PRKN: variants seen among roughly 807,000 people sequenced by gnomAD.
PRKN encodes E3 ubiquitin-protein ligase parkin.
PRKN carries 56 observed loss-of-function variants against 59.5 expected under a neutral mutation model. The observed-to-expected ratio is 0.94, with a 90% CI of 0.76 to 1.18. The LOEUF is 1.18. Among genes scored for constraint, PRKN ranks in the 50% most tolerant of loss-of-function variants. The pLI is 0.00. For missense variants in PRKN, 657 were observed against 596.4 expected (o/e 1.10, Z -1.06); for synonymous variants, 250 against 222.1 (o/e 1.13, Z -1.12).
At chr6:162,208,872 C>G (rs1433218728) in intron 3 of PRKN, among the ~76,000 whole-genome samples, 1 of 152,038 alleles carries the variant, frequency 6.6e-6, no homozygotes, top group Non-Finnish European at 1.5e-5. Context: ...GAGGCAGCAC[C>G]TATGGGAAAA....
intron 6 of PRKN, among the ~76,000 whole-genome samples, chr6:161,874,827 A>AAAAT (rs1245753252): frequency 9.1e-6 from 1 of 109,970 alleles, no homozygotes; most frequent in South Asian, 3.0e-4. Flanking sequence ...TATAATATAT[A>AAAAT]AAATGTATAA....
intron 2 of PRKN, among the ~76,000 whole-genome samples, chr6:162,278,620 A>G (rs1780740522): frequency 6.6e-6 from 1 of 152,180 alleles, no homozygotes; most frequent in Non-Finnish European, 1.5e-5. Context: ...GGCTTAAAAA[A>G]GCTATAAAGG....
intron 6 of PRKN, among the ~76,000 whole-genome samples, chr6:161,857,013 T>C (rs936790087): frequency 2.3e-5 from 2 of 86,040 alleles, no homozygotes; most frequent in African/African-American, 8.0e-5. Context: ...GTGGATCACC[T>C]GAGGTCAGGA....
rs77481769 is a variant in PRKN, at chr6:161,854,803, G to A, written c.735-68895C>T. On this transcript the variant is annotated intron_variant, in intron 6 of 11. Coordinates refer to ENST00000366898, the MANE Select transcript of PRKN (RefSeq NM_004562.3). ...TGCTAGATCTAGAAAAGTGGTTCTC[G>A]GCCGGGCGCGGTGGCTCATGCCTGT... 1.2e-3 allele frequency among the ~76,000 whole-genome samples: 179 copies of A among 152,030 alleles called. 2 individuals are homozygous for A. In the East Asian group the frequency reaches 0.026, roughly 22 times the overall value.
At chr6:161,950,937 T>C (rs1779965737) in intron 6 of PRKN, among the ~76,000 whole-genome samples, 1 of 134,276 alleles carries the variant, frequency 7.4e-6, no homozygotes, top group African/African-American at 3.0e-5. Flanking sequence ...ATGGCTGCCC[T>C]ATTCCAGGGG....
At chr6:162,021,146 ATAT>A (rs1562465483) in intron 5 of PRKN, among the ~76,000 whole-genome samples, 1 of 14,242 alleles carries the variant, frequency 7.0e-5, no homozygotes, top group Non-Finnish European at 1.3e-4. Flanking sequence ...ATATATATAT[ATAT>A]ATATATATAT....
In PRKN at chr6:162,511,180, T is replaced by C. The variant is rs532516879; in HGVS notation, c.8-67707A>G. Among the ~76,000 whole-genome samples the C allele has an allele frequency of 2.0e-5, 3 of 152,258 alleles. No individual in the cohort carries two copies. The East Asian group carries it at 5.8e-4, about 29-fold the overall frequency. ...TGTCCCCTTTTATATGTTTTCTTTG[T>C]GTCTGCCTAATTTAATATTACTTTT... On this transcript the variant is annotated intron_variant, in intron 1 of 11. Coordinates refer to ENST00000366898, the MANE Select transcript of PRKN (RefSeq NM_004562.3).
At chr6:162,566,558 T>C (rs565295206) in intron 1 of PRKN, among the ~76,000 whole-genome samples, 2 of 152,094 alleles carry the variant, frequency 1.3e-5, no homozygotes, top group African/African-American at 4.8e-5. Flanking sequence ...CCTAGATACA[T>C]ACAACCTACC....
intron 1 of PRKN, among the ~76,000 whole-genome samples, chr6:162,722,954 C>T (rs1172055736): frequency 6.6e-6 from 1 of 152,160 alleles, no homozygotes; most frequent in African/African-American, 2.4e-5. Context: ...AATTTTACCT[C>T]ATTATAAACA....
rs112202495 is a variant in PRKN, at chr6:161,932,269, C to T, written c.734+41033G>A. Among the ~76,000 whole-genome samples the T allele has an allele frequency of 1.8e-3, 270 of 151,936 alleles. 1 individual carries two copies. Among genetic ancestry groups the T allele is most frequent in the African/African-American group, 6.2e-3 (257 of 41,482 alleles). On this transcript the variant is annotated intron_variant, in intron 6 of 11. Transcript: ENST00000366898. ...ATTGTTTTATGTTGGGTTATGTTTC[C>T]GAAACAGTTCAAATATGCTTCCTCC...
intron 5 of PRKN, among the ~76,000 whole-genome samples, chr6:161,989,571 C>T (rs1781565235): frequency 6.6e-6 from 1 of 152,052 alleles, no homozygotes; most frequent in African/African-American, 2.4e-5. Flanking sequence ...CCCAAGCATG[C>T]TATATGGGGA....
At chr6:162,044,810 T>A (rs1784192385) in intron 5 of PRKN, among the ~76,000 whole-genome samples, 1 of 152,238 alleles carries the variant, frequency 6.6e-6, no homozygotes, top group Non-Finnish European at 1.5e-5. Flanking sequence ...CATGAAGTCC[T>A]CTTTGATCAC....
intron 3 of PRKN, among the ~76,000 whole-genome samples, chr6:162,253,237 G>A (rs1779508929): frequency 6.6e-6 from 1 of 152,096 alleles, no homozygotes; most frequent in South Asian, 2.1e-4. Context: ...AATAGTGGAT[G>A]GCTCTGTTAA....
chr6:161,715,127 C>T (rs11962721), intron 7 of PRKN, among the ~76,000 whole-genome samples: 29,704 of 152,138 alleles, frequency 0.2, 5,471 homozygotes, highest in African/African-American at 0.49. Flanking sequence ...GTTTTTATAA[C>T]GAAAATGTGC....
At chr6:161,798,061 C>T (rs1387012102) in intron 6 of PRKN, among the ~76,000 whole-genome samples, 3 of 152,050 alleles carry the variant, frequency 2.0e-5, no homozygotes, top group Non-Finnish European at 4.4e-5. Flanking sequence ...ATTAATCGGG[C>T]GTGGTGGCAC....
chr6:161,986,046 C>T (rs1162917943), intron 5 of PRKN, among the ~76,000 whole-genome samples: 1 of 152,198 alleles, frequency 6.6e-6, no homozygotes, highest in Non-Finnish European at 1.5e-5. Flanking sequence ...TAAGATACAT[C>T]CACCAGTGTG....
chr6:161,801,503 CG>C (rs1438482031), intron 6 of PRKN, among the ~76,000 whole-genome samples: 15 of 152,164 alleles, frequency 9.9e-5, no homozygotes, highest in African/African-American at 3.6e-4. Context: ...GATTTGATTA[CG>C]GGGCTTTAAC....
At chr6:162,088,514 GT>G (rs1440254941) in intron 4 of PRKN, among the ~76,000 whole-genome samples, 1 of 151,948 alleles carries the variant, frequency 6.6e-6, no homozygotes, top group African/African-American at 2.4e-5. Context: ...TAAAATTTTA[GT>G]CAAAATTTTG....
intron 6 of PRKN, among the ~76,000 whole-genome samples, chr6:161,814,574 C>A (rs1324438149): frequency 2.0e-5 from 3 of 152,156 alleles, no homozygotes; most frequent in Non-Finnish European, 1.5e-5. Flanking sequence ...CCAATCTTGG[C>A]TCACCGCAAC....
Sources: gnomAD v4.1 joint callset for allele counts (sites outside exome capture counted in the v4.1 genomes callset) on GRCh38, gnomAD v4.1.1 for gene constraint, MANE v1.5 for transcripts, NCBI Gene and HGNC (gene_info 2026-07-23, HGNC 2026-07-21) for gene names.